The following NME8 variants were observed in gnomAD, a reference collection of about 807,000 sequenced individuals.
NME8 encodes the protein NME/NM23 family member 8, also known as protein NME8.
In NME8, 72 loss-of-function variants were observed where a neutral mutation model predicts 82.3. The ratio of observed to expected loss-of-function variants is 0.87; its 90% confidence interval spans 0.72 to 1.06. The LOEUF is 1.06. NME8 is among the 50% of genes least tolerant of loss of function. The probability of loss-of-function intolerance (pLI) is 0.00; values close to 1 mark genes in which losing one functional copy is unlikely to be tolerated. For missense variants in NME8, 712 were observed against 685.4 expected (o/e 1.04, Z -0.43); for synonymous variants, 267 against 228.5 (o/e 1.17, Z -1.52).
chr7:37,856,647 T>A (rs1784517025), intron 5 of NME8, among the ~76,000 whole-genome samples: 1 of 152,234 alleles, frequency 6.6e-6, no homozygotes, highest in Non-Finnish European at 1.5e-5. Context: ...TTGGAACAAC[T>A]TGAAATTTAT....
intron 17 of NME8, among the ~76,000 whole-genome samples, chr7:37,898,930 G>T (rs1368498297): frequency 2.0e-5 from 3 of 152,108 alleles, no homozygotes; most frequent in Non-Finnish European, 4.4e-5. Context: ...AAATAAGGAA[G>T]AATGATTTCT....
At chr7:37,880,241 G>A (rs989161442) in intron 12 of NME8, among the ~76,000 whole-genome samples, 5 of 151,892 alleles carry the variant, frequency 3.3e-5, no homozygotes, top group Admixed American at 1.3e-4. Context: ...TTTGGATTGC[G>A]GTTTTAGTGT....
chr7:37,894,144 G>A (rs1374123863), intron 15 of NME8, among the ~76,000 whole-genome samples: 1 of 152,048 alleles, frequency 6.6e-6, no homozygotes, highest in African/African-American at 2.4e-5. Context: ...AAATTCCTTG[G>A]CATTTGTAGT....
intron 9 of NME8, among the ~76,000 whole-genome samples, 157 bp from the exon 10 acceptor site, chr7:37,865,368 T>C (rs938244740): frequency 4.6e-5 from 7 of 152,224 alleles, no homozygotes; most frequent in Non-Finnish European, 1.0e-4. Flanking sequence ...TTTGTATATT[T>C]TTGAGCCACT....
chr7:37,874,333 G>A (rs2722303), intron 11 of NME8, among the ~76,000 whole-genome samples: 1 of 151,418 alleles, frequency 6.6e-6, no homozygotes, highest in African/African-American at 2.4e-5. Flanking sequence ...CTAGAGGTTT[G>A]TGGGTGTATG....
chr7:37,890,104 A>G (rs185692172), intron 15 of NME8, among the ~76,000 whole-genome samples: 152 of 152,136 alleles, frequency 1.0e-3, no homozygotes, highest in Non-Finnish European at 1.9e-3. Flanking sequence ...TCAGGACCAC[A>G]CACCCTGCTT....
At chr7:37,877,159 A>G (rs569821392) in intron 12 of NME8, 152 bp downstream of exon 12, 2 of 656,568 alleles carry the variant, frequency 3.0e-6, no homozygotes, top group African/African-American at 1.8e-5. Context: ...TAATATCTTA[A>G]TAGTGAATAA....
chr7:37,869,447 A>T (rs1451731742), intron 11 of NME8, among the ~76,000 whole-genome samples: 1 of 152,176 alleles, frequency 6.6e-6, no homozygotes, highest in Non-Finnish European at 1.5e-5. Context: ...AGCACTCATT[A>T]ATGTGACGAG....
intron 2 of NME8, among the ~76,000 whole-genome samples, chr7:37,849,444 T>C (rs887721566): frequency 3.3e-5 from 5 of 152,130 alleles, no homozygotes; most frequent in African/African-American, 9.7e-5. Context: ...GAGGATAAGA[T>C]AGTGTGGCAG....
intron 15 of NME8, among the ~76,000 whole-genome samples, chr7:37,893,321 T>C (rs1179280029): frequency 6.6e-6 from 1 of 152,196 alleles, no homozygotes; most frequent in African/African-American, 2.4e-5. Context: ...TAATTCATTC[T>C]TCATGGTGCA....
intron 7 of NME8, 145 bp downstream of exon 7, chr7:37,862,289 T>A: frequency 1.4e-6 from 1 of 693,088 alleles, no homozygotes; most frequent in Non-Finnish European, 2.6e-6. Context: ...TACCTTTTAT[T>A]TGATGTTATC....
chr7:37,888,490 A>C, intron 15 of NME8, 62 bp downstream of exon 15: 1 of 1,515,012 alleles, frequency 6.6e-7, no homozygotes. Context: ...AACATTTAAA[A>C]AATTTACAAT....
At chr7:37,893,706 A>G (rs1427370885) in intron 15 of NME8, among the ~76,000 whole-genome samples, 1 of 152,180 alleles carries the variant, frequency 6.6e-6, no homozygotes, top group African/African-American at 2.4e-5. Flanking sequence ...ATATTACTCT[A>G]TAATAATGAT....
At chr7:37,849,376 T>A (rs1784405674) in intron 2 of NME8, among the ~76,000 whole-genome samples, 1 of 152,038 alleles carries the variant, frequency 6.6e-6, no homozygotes, top group African/African-American at 2.4e-5. Flanking sequence ...ACAAAACCTT[T>A]AAAAAAACCA....
chr7:37,875,789 A>T (rs1357952237), intron 11 of NME8, among the ~76,000 whole-genome samples: 1 of 152,182 alleles, frequency 6.6e-6, no homozygotes. Context: ...GGCCCCACCA[A>T]CATAACGGCT....
At chr7:37,890,330 G>T (rs1785109264) in intron 15 of NME8, among the ~76,000 whole-genome samples, 1 of 151,756 alleles carries the variant, frequency 6.6e-6, no homozygotes, top group South Asian at 2.1e-4. Flanking sequence ...AAACATAATT[G>T]TCCATATTCA....
chr7:37,862,123 A>C lies in NME8; in HGVS notation c.366A>C (p.Ala122=). Residue 122 remains alanine (A), a synonymous_variant, in exon 7 of 18, where the codon GCA becomes GCC. Coordinates refer to ENST00000199447, the MANE Select transcript of NME8 (RefSeq NM_016616.5). The stretch of plus-strand genomic sequence containing the variant: ...TCGATGAGGAGAGAAAAATTGCAGC[A>C]GGTGAAATGGCTCGACCTCAGGTAA... ...NLIDEERKIA[A]GEMARPQYPE... 2 of 1,612,112 alleles carry C rather than the reference A, an allele frequency of 1.2e-6. No individual in the cohort carries two copies. Among genetic ancestry groups the C allele is most frequent in the Non-Finnish European group, 1.7e-6 (2 of 1,178,298 alleles).
intron 11 of NME8, among the ~76,000 whole-genome samples, chr7:37,874,455 G>T (rs1784817526): frequency 6.6e-6 from 1 of 152,142 alleles, no homozygotes; most frequent in African/African-American, 2.4e-5. Flanking sequence ...TAGTGTGTCA[G>T]AATGCAAGAA....
intron 17 of NME8, among the ~76,000 whole-genome samples, chr7:37,899,242 G>A (rs552026583): frequency 3.9e-5 from 6 of 152,078 alleles, no homozygotes; most frequent in Non-Finnish European, 8.8e-5. Flanking sequence ...ATATATTCAT[G>A]GCAGAACTAT....
Sources: gnomAD v4.1 joint callset for allele counts (sites outside exome capture counted in the v4.1 genomes callset) on GRCh38, gnomAD v4.1.1 for gene constraint, MANE v1.5 for transcripts, NCBI Gene and HGNC (gene_info 2026-07-23, HGNC 2026-07-21) for gene names.